The following IPO7 variants were observed in gnomAD, a reference collection of about 807,000 sequenced individuals.
IPO7 encodes importin-7.
In IPO7, 13 loss-of-function variants were observed where a neutral mutation model predicts 136.4. That is an observed-to-expected ratio of 0.10 (90% confidence interval 0.06 to 0.15). IPO7 has a LOEUF of 0.15. Ranked by LOEUF, IPO7 falls within the 10% of genes least tolerant of loss-of-function variation. The probability of loss-of-function intolerance (pLI) is 1.00; values close to 1 mark genes in which losing one functional copy is unlikely to be tolerated. For synonymous variants in IPO7, 403 were observed against 404.4 expected (o/e 1.00, Z 0.04); for missense variants, 857 against 1,240.6 (o/e 0.69, Z 4.65).
chr11:9,420,316 AG>A (rs1362069932), intron 6 of IPO7, 94 bp from the exon 7 acceptor site: 5 of 757,782 alleles, frequency 6.6e-6, no homozygotes, highest in Non-Finnish European at 1.1e-5. Context: ...GGCCAGCATT[AG>A]TGAAGCATTC....
At chr11:9,400,548 A>G (rs1854778502) in intron 1 of IPO7, among the ~76,000 whole-genome samples, 1 of 151,930 alleles carries the variant, frequency 6.6e-6, no homozygotes, top group South Asian at 2.1e-4. Flanking sequence ...CAGCCTCCAG[A>G]GTAGCTGGGG....
At chr11:9,413,459 C>T (rs527655263) in intron 4 of IPO7, among the ~76,000 whole-genome samples, 36 of 152,068 alleles carry the variant, frequency 2.4e-4, no homozygotes, top group South Asian at 4.2e-4. Flanking sequence ...CTACTGTTTA[C>T]GCAAATATAA....
At chr11:9,393,981 C>G (rs1221747464) in intron 1 of IPO7, among the ~76,000 whole-genome samples, 2 of 152,076 alleles carry the variant, frequency 1.3e-5, no homozygotes, top group Non-Finnish European at 2.9e-5. Flanking sequence ...CTCCCAGGTT[C>G]AAGTGATTAT....
chr11:9,418,269 C>G (rs1010841541), intron 6 of IPO7, among the ~76,000 whole-genome samples: 1 of 151,422 alleles, frequency 6.6e-6, no homozygotes, highest in African/African-American at 2.4e-5. Flanking sequence ...CAGGGTTTCA[C>G]CATCTTGGCC....
In IPO7 at chr11:9,428,725, C is replaced by G. The variant is rs767421032; in HGVS notation, c.1425+96C>G. The G allele has an allele frequency of 1.6e-5, 13 of 816,900 alleles. No individual in the cohort carries two copies. In the Admixed American group the frequency reaches 1.9e-4, roughly 12 times the overall value. The allele number at this position is 816,900 out of a possible 1,614,324, so 50.6% of individuals were successfully genotyped here. A position where few individuals can be genotyped will look rare whatever the true frequency, so the allele number is the denominator to read the frequency against. ...AAACTTTTAAATGTTCACTTTGAAG[C>G]CTGTGTCTTATTTTAGGTTTCTGTT... On this transcript the variant is annotated intron_variant, in intron 13 of 24. Coordinates refer to ENST00000379719, the MANE Select transcript of IPO7 (RefSeq NM_006391.3).
intron 12 of IPO7, among the ~76,000 whole-genome samples, chr11:9,427,137 A>C (rs1033031627): frequency 6.6e-6 from 1 of 152,230 alleles, no homozygotes; most frequent in Admixed American, 6.5e-5. Flanking sequence ...GGCGTGAGCC[A>C]CTGTGCCTGG....
At chr11:9,433,483 T>A in intron 16 of IPO7, 87 bp from the exon 17 acceptor site, 1 of 821,396 alleles carries the variant, frequency 1.2e-6, no homozygotes, top group Non-Finnish European at 2.0e-6. Flanking sequence ...GACTTTATAT[T>A]TAAGTGTACT....
intron 2 of IPO7, among the ~76,000 whole-genome samples, chr11:9,404,483 T>TA (rs907315541): frequency 2.7e-4 from 41 of 149,418 alleles, no homozygotes; most frequent in South Asian, 6.3e-4. Context: ...AAATAAAAAA[T>TA]AAAAAAAAAT....
At chr11:9,412,291 AAG>A (rs1442420891) in intron 4 of IPO7, among the ~76,000 whole-genome samples, 1 of 152,202 alleles carries the variant, frequency 6.6e-6, no homozygotes, top group Non-Finnish European at 1.5e-5. Flanking sequence ...AGCTTTTAAA[AAG>A]AGTCTCCCAG....
intron 1 of IPO7, among the ~76,000 whole-genome samples, chr11:9,389,046 T>G (rs954029659): frequency 4.7e-4 from 71 of 151,466 alleles, no homozygotes; most frequent in African/African-American, 1.6e-3. Context: ...TTTTTAAAAT[T>G]TATTATTATT....
intron 20 of IPO7, among the ~76,000 whole-genome samples, chr11:9,436,849 T>C (rs1186786287): frequency 9.1e-5 from 1 of 11,048 alleles, no homozygotes; most frequent in Non-Finnish European, 2.1e-4. Context: ...ATTTTATATA[T>C]ATATATATAT....
intron 2 of IPO7, among the ~76,000 whole-genome samples, chr11:9,407,515 A>G (rs1181466006): frequency 6.6e-6 from 1 of 152,158 alleles, no homozygotes; most frequent in African/African-American, 2.4e-5. Context: ...AGATCGCACC[A>G]CTGCACTCCA....
intron 23 of IPO7, 22 bp downstream of exon 23, chr11:9,440,683 G>A: frequency 6.6e-7 from 1 of 1,519,332 alleles, no homozygotes; most frequent in African/African-American, 1.4e-5. Context: ...TGTTACATGT[G>A]GATCCATTTC....
chr11:9,443,957 A>G (rs961725527), intron 24 of IPO7, among the ~76,000 whole-genome samples: 2 of 150,040 alleles, frequency 1.3e-5, no homozygotes, highest in African/African-American at 4.9e-5. Context: ...TTCATCTTTA[A>G]ATGTTTCAGT....
intron 8 of IPO7, among the ~76,000 whole-genome samples, chr11:9,421,817 G>T (rs980602671): frequency 6.6e-6 from 1 of 151,916 alleles, no homozygotes; most frequent in African/African-American, 2.4e-5. Flanking sequence ...GGTGGCGGGC[G>T]CCTGTATTCC....
intron 1 of IPO7, among the ~76,000 whole-genome samples, chr11:9,396,725 TCATA>T (rs560256237): frequency 2.0e-3 from 304 of 152,364 alleles, no homozygotes; most frequent in African/African-American, 7.0e-3. Context: ...TTTTCAAAGT[TCATA>T]CATTGTTGTA....
At chr11:9,419,559 A>AAAAAAATATATATATATAT (rs1256216265) in intron 6 of IPO7, among the ~76,000 whole-genome samples, 1 of 116,866 alleles carries the variant, frequency 8.6e-6, no homozygotes, top group African/African-American at 3.8e-5. Flanking sequence ...AAAAAAAAAA[A>AAAAAAATATATATATATAT]ATATATATAT....
At chr11:9,419,168 A>G (rs1000204634) in intron 6 of IPO7, among the ~76,000 whole-genome samples, 8 of 152,218 alleles carry the variant, frequency 5.3e-5, no homozygotes, top group African/African-American at 1.7e-4. Context: ...AGTAACTTCC[A>G]AAGTGGCTGT....
At position 9,433,707 on chromosome 11, in the gene IPO7, G is replaced by A. The variant is rs749721344; in HGVS notation, c.1949-14G>A. On this transcript the variant is annotated splice_polypyrimidine_tract_variant and intron_variant, in intron 17 of 24. Transcript: ENST00000379719. Reference sequence around the variant, plus strand: ...GAGCAAGCATTTTCCTAATGACTTAGTATTCTCTTTTAGAATTCTATGAGG... The same window carrying A: ...GAGCAAGCATTTTCCTAATGACTTAATATTCTCTTTTAGAATTCTATGAGG... 5 of 1,612,966 alleles carry A rather than the reference G, an allele frequency of 3.1e-6. No homozygotes were observed. In the Admixed American group the frequency reaches 6.7e-5, roughly 22 times the overall value.
Sources: gnomAD v4.1 joint callset for allele counts (sites outside exome capture counted in the v4.1 genomes callset) on GRCh38, gnomAD v4.1.1 for gene constraint, MANE v1.5 for transcripts, NCBI Gene and HGNC (gene_info 2026-07-23, HGNC 2026-07-21) for gene names.